The following R3HDM1 variants were observed in gnomAD, a reference collection of about 807,000 sequenced individuals.
R3HDM1 encodes R3H domain containing 1.
R3HDM1 carries 46 observed loss-of-function variants against 141.1 expected under a neutral mutation model. The ratio of observed to expected loss-of-function variants is 0.33; its 90% CI spans 0.26 to 0.42. R3HDM1 has a LOEUF of 0.42. Ranked by LOEUF, R3HDM1 falls within the 10% of genes least tolerant of loss-of-function variation. R3HDM1 has a pLI of 1.00. For missense variants in R3HDM1, 1,184 were observed against 1,368.3 expected, an observed-to-expected ratio of 0.87 and a Z score of 2.12; for synonymous variants, 435 against 472.9, an observed-to-expected ratio of 0.92 and a Z score of 1.04.
Position 135,604,742 on chromosome 2 carries a change from G to A in R3HDM1, c.-40-64G>A, listed in dbSNP as rs2059908386. ...ATTTCTGGAACATAACAGACAGTAGGTCAGTATCATGCAGTAACTGAATGT... is the reference window on the plus strand; with the variant it reads ...ATTTCTGGAACATAACAGACAGTAGATCAGTATCATGCAGTAACTGAATGT... On this transcript the variant is annotated intron_variant, in intron 2 of 26. Transcript: ENST00000683871. 5 of 1,196,464 alleles carry A rather than the reference G, an allele frequency of 4.2e-6. No individual in the cohort carries two copies. In the East Asian group the frequency reaches 1.2e-4, roughly 29 times the overall value. The allele number at this position is 1,196,464 out of a possible 1,614,324, so 74.1% of individuals were successfully genotyped here.
chr2:135,670,450 T>G (rs1276206782), intron 19 of R3HDM1: 2 of 913,140 alleles, frequency 2.2e-6, no homozygotes, highest in Non-Finnish European at 2.6e-6. Context: ...TGAAGAAAAT[T>G]ACTTAAATAC....
chr2:135,536,801 C>T, intron 1 of R3HDM1: 3 of 759,818 alleles, frequency 3.9e-6, no homozygotes, highest in Non-Finnish European at 4.8e-6. Flanking sequence ...GACCGGTGAA[C>T]ATCACCACCT....
intron 1 of R3HDM1, among the ~76,000 whole-genome samples, chr2:135,554,685 G>T (rs1296431762): frequency 6.6e-6 from 1 of 152,130 alleles, no homozygotes; most frequent in Non-Finnish European, 1.5e-5. Context: ...TCTATAAAAA[G>T]GGGAAATTTG....
chr2:135,606,583 GA>G (rs1369638395), intron 3 of R3HDM1: 5 of 148,162 alleles, frequency 3.4e-5, no homozygotes, highest in African/African-American at 1.2e-4. Context: ...CCAACATGGT[GA>G]AACCCTGTCT....
chr2:135,535,223 A>G (rs1695794191), intron 1 of R3HDM1, among the ~76,000 whole-genome samples: 1 of 152,172 alleles, frequency 6.6e-6, no homozygotes, highest in East Asian at 1.9e-4. Context: ...ATGAAGGGCC[A>G]GGCGGGGTGG....
intron 1 of R3HDM1, among the ~76,000 whole-genome samples, chr2:135,587,596 T>C (rs1708228043): frequency 6.6e-6 from 1 of 152,194 alleles, no homozygotes; most frequent in East Asian, 1.9e-4. Context: ...TTCACCCTAA[T>C]GCCAAGAGAA....
chr2:135,622,404 CAT>C (rs972500842), intron 6 of R3HDM1: 2 of 984,088 alleles, frequency 2.0e-6, no homozygotes, highest in South Asian at 4.7e-5. Flanking sequence ...TAAACAGACA[CAT>C]GTGAGAGGTT....
chr2:135,597,029 C>G, intron 1 of R3HDM1: 1 of 984,586 alleles, frequency 1.0e-6, no homozygotes, highest in Non-Finnish European at 1.2e-6. Flanking sequence ...CCCCATTTCT[C>G]CACTCAGAAT....
At chr2:135,626,736 T>C (rs1451807680) in intron 7 of R3HDM1, among the ~76,000 whole-genome samples, 3 of 152,194 alleles carry the variant, frequency 2.0e-5, no homozygotes, top group African/African-American at 7.2e-5. Flanking sequence ...ATAGGAGCAC[T>C]ATCACCACAG....
chr2:135,604,055 T>A (rs1282195240), intron 2 of R3HDM1, among the ~76,000 whole-genome samples: 2 of 152,234 alleles, frequency 1.3e-5, no homozygotes, highest in Non-Finnish European at 2.9e-5. Flanking sequence ...TGTATTTGAT[T>A]TCCTGTGGAT....
intron 6 of R3HDM1, 159 bp from the exon 7 acceptor site, chr2:135,622,495 G>A (rs1166250387): frequency 1.0e-6 from 1 of 984,338 alleles, no homozygotes; most frequent in Non-Finnish European, 1.2e-6. Context: ...TAGAAACATC[G>A]TGGTCACCTG....
chr2:135,648,028 G>A (rs1287585969), intron 16 of R3HDM1, among the ~76,000 whole-genome samples: 1 of 152,056 alleles, frequency 6.6e-6, no homozygotes, highest in Non-Finnish European at 1.5e-5. Flanking sequence ...CTGACACATA[G>A]GAGATCAAGT....
chr2:135,663,120 A>G (rs4954280), intron 19 of R3HDM1, among the ~76,000 whole-genome samples: 71,542 of 146,722 alleles, frequency 0.49, 22,063 homozygotes, highest in East Asian at 0.88. Flanking sequence ...GTGCTAGTAT[A>G]TATGCCTCTC....
At chr2:135,583,936 C>T in intron 1 of R3HDM1, 1 of 985,396 alleles carries the variant, frequency 1.0e-6, no homozygotes, top group Non-Finnish European at 1.2e-6. Flanking sequence ...CAGTTAAACC[C>T]TGTAGAGTCA....
intron 1 of R3HDM1, among the ~76,000 whole-genome samples, chr2:135,550,811 T>A (rs1316922185): frequency 1.3e-5 from 2 of 152,246 alleles, no homozygotes; most frequent in African/African-American, 4.8e-5. Flanking sequence ...ATTTTAGGAA[T>A]CAAGTCAATT....
intron 1 of R3HDM1, chr2:135,559,012 A>C (rs1459446096): frequency 2.0e-6 from 2 of 984,016 alleles, no homozygotes; most frequent in East Asian, 2.3e-4. Context: ...AAAACTTAAA[A>C]CTAAAATACC....
intron 7 of R3HDM1, among the ~76,000 whole-genome samples, chr2:135,630,169 C>T (rs1319931209): frequency 3.4e-5 from 5 of 147,954 alleles, no homozygotes; most frequent in Non-Finnish European, 5.9e-5. Flanking sequence ...CCCAGCTAAT[C>T]GGGAGGCTGA....
intron 7 of R3HDM1, among the ~76,000 whole-genome samples, chr2:135,624,351 G>A (rs372603369): frequency 6.2e-5 from 9 of 146,204 alleles, no homozygotes; most frequent in East Asian, 4.1e-4. Context: ...GTAGAGATGC[G>A]CCACTGCACT....
intron 19 of R3HDM1, chr2:135,667,586 C>A: frequency 2.2e-6 from 2 of 919,384 alleles, no homozygotes; most frequent in Non-Finnish European, 2.6e-6. Flanking sequence ...TTTTTTAATT[C>A]TAATATACTA....
Sources: gnomAD v4.1 joint callset for allele counts (sites outside exome capture counted in the v4.1 genomes callset) on GRCh38, gnomAD v4.1.1 for gene constraint, MANE v1.5 for transcripts, NCBI Gene and HGNC (gene_info 2026-07-23, HGNC 2026-07-21) for gene names.